SLC15A4: variants seen among roughly 807,000 people sequenced by gnomAD.
The protein encoded by SLC15A4 is solute carrier family 15 member 4.
Under a neutral mutation model 46.1 loss-of-function variants are expected in SLC15A4, and 26 were observed. The ratio of observed to expected loss-of-function variants is 0.56; its 90% CI spans 0.41 to 0.78. The LOEUF is 0.78. Ranked by LOEUF, SLC15A4 falls within the 30% of genes least tolerant of loss-of-function variation. The pLI is 0.00. For synonymous variants in SLC15A4, 370 were observed against 333.4 expected (o/e 1.11, Z -1.20); for missense variants, 751 against 755.7 (o/e 0.99, Z 0.07).
intron 7 of SLC15A4, among the ~76,000 whole-genome samples, chr12:128,796,570 C>A (rs1041241136): frequency 6.6e-6 from 1 of 151,864 alleles, no homozygotes; most frequent in African/African-American, 2.4e-5. Context: ...CTGCTAATAC[C>A]CTGAATTCTA....
intron 5 of SLC15A4, chr12:128,801,449 GATTT>G (rs1422011983): frequency 2.6e-5 from 4 of 155,416 alleles, no homozygotes; most frequent in East Asian, 1.9e-4. Flanking sequence ...GTGATCTACT[GATTT>G]ATTATTATAA....
In SLC15A4 at chr12:128,809,044, C is replaced by A. The variant is rs150107216; in HGVS notation, c.1090-88G>T. The A allele has an allele frequency of 1.0e-5, 13 of 1,265,448 alleles. No individual in the cohort carries two copies. The Admixed American group carries it at 2.6e-4, about 25-fold the overall frequency. 78.4% of individuals were successfully genotyped at this position (1,265,448 alleles called of 1,614,324 possible). A position where few individuals can be genotyped will look rare whatever the true frequency, so the allele number is the denominator to read the frequency against. On this transcript the variant is annotated intron_variant, in intron 4 of 7. Coordinates refer to ENST00000266771, the MANE Select transcript of SLC15A4 (RefSeq NM_145648.4). The stretch of plus-strand genomic sequence containing the variant: ...AACCAACGTCTCAATGGGAGAAATG[C>A]ACGTAAAGAACAGTTCCTCTCCACA...
chr12:128,812,412 C>T (rs750516413), intron 2 of SLC15A4, among the ~76,000 whole-genome samples: 22 of 152,092 alleles, frequency 1.4e-4, no homozygotes, highest in Admixed American at 4.6e-4. Context: ...CTCCGCCTCC[C>T]GGGTTCACGC....
chr12:128,819,371 C>G (rs1955804221), intron 1 of SLC15A4, among the ~76,000 whole-genome samples: 2 of 152,102 alleles, frequency 1.3e-5, no homozygotes, highest in African/African-American at 4.8e-5. Flanking sequence ...CCGCTGCACC[C>G]CAGCCTGGAC....
At chr12:128,819,356 T>C (rs1039241811) in intron 1 of SLC15A4, among the ~76,000 whole-genome samples, 20 of 152,060 alleles carry the variant, frequency 1.3e-4, no homozygotes, top group African/African-American at 2.9e-4. Flanking sequence ...TGAGCTGAGA[T>C]CATACCGCTG....
In SLC15A4 at chr12:128,808,827, C is replaced by T. The variant is rs143469790; in HGVS notation, c.1219G>A (p.Val407Met). The T allele has an allele frequency of 1.3e-5, 21 of 1,614,194 alleles. 1 individual carries two copies. Among genetic ancestry groups the T allele is most frequent in the South Asian group, 7.7e-5 (7 of 91,086 alleles). The change falls in exon 5 of 8, where the codon GTG becomes ATG. Residue 407 changes from valine (V) to methionine (M), a missense_variant. By Grantham distance (21) the Val-to-Met change is conservative. Transcript: ENST00000266771. Reference protein sequence around the residue: ...LLPSSLKRIAVGMFFVMCSAF... With the variant: ...LLPSSLKRIAMGMFFVMCSAF... ...GAGCACATGACAAAGAACATGCCCA[C>T]GGCGATCCTCTTCAGGGAGGATGGG...
At chr12:128,795,544 G>C (rs1955433411) in intron 7 of SLC15A4, among the ~76,000 whole-genome samples, 1 of 152,168 alleles carries the variant, frequency 6.6e-6, no homozygotes, top group African/African-American at 2.4e-5. Context: ...ATTTCAGAAA[G>C]GCACTCAAGA....
intron 1 of SLC15A4, among the ~76,000 whole-genome samples, chr12:128,816,750 T>C (rs540045284): frequency 6.6e-6 from 1 of 152,156 alleles, no homozygotes; most frequent in East Asian, 1.9e-4. Context: ...GAGGATCCCT[T>C]GAACTGGGGA....
intron 7 of SLC15A4, among the ~76,000 whole-genome samples, chr12:128,798,519 G>T (rs1451166370): frequency 1.3e-5 from 2 of 152,186 alleles, no homozygotes; most frequent in Admixed American, 1.3e-4. Context: ...TTCTCAAGGG[G>T]ATTTGTAACC....
At chr12:128,820,397 A>C (rs1955816604) in intron 1 of SLC15A4, among the ~76,000 whole-genome samples, 1 of 152,250 alleles carries the variant, frequency 6.6e-6, no homozygotes, top group African/African-American at 2.4e-5. Context: ...ATTTCGTCAC[A>C]TATGTAAAGC....
At chr12:128,812,036 G>GC (rs1955664216) in intron 2 of SLC15A4, among the ~76,000 whole-genome samples, 1 of 152,182 alleles carries the variant, frequency 6.6e-6, no homozygotes, top group African/African-American at 2.4e-5. Flanking sequence ...TGTGAAGGCC[G>GC]CATGTAGGTG....
intron 7 of SLC15A4, among the ~76,000 whole-genome samples, chr12:128,798,742 C>T (rs563316295): frequency 4.8e-4 from 73 of 152,280 alleles, no homozygotes; most frequent in Middle Eastern, 3.4e-3. Flanking sequence ...ATGCCACCTA[C>T]TGGTATTAAT....
rs189988141 is a variant in SLC15A4, at chr12:128,820,043, C to T, written c.546+3355G>A. On this transcript the variant is annotated intron_variant, in intron 1 of 7. Coordinates refer to ENST00000266771, the MANE Select transcript of SLC15A4 (RefSeq NM_145648.4). ...CTGTGGCGAGGCTTAAATAAGATCACGTGGGAAAGGCACAAGTAAGAGGCA... is the reference window on the plus strand; with the variant it reads ...CTGTGGCGAGGCTTAAATAAGATCATGTGGGAAAGGCACAAGTAAGAGGCA... Among the ~76,000 whole-genome samples, 9 of 152,298 alleles carry T rather than the reference C, an allele frequency of 5.9e-5. No homozygotes were observed. In the South Asian group the frequency reaches 1.2e-3, roughly 21 times the overall value.
rs2135713940 is a variant in SLC15A4 at position 128,809,501 on chromosome 12, T to C, written c.1012-28A>G. On this transcript the variant is annotated intron_variant, in intron 3 of 7. Coordinates refer to ENST00000266771, the MANE Select transcript of SLC15A4 (RefSeq NM_145648.4). ...AGGTATAAAAAACAGTATCATTATATGTGGACCAACTGTGCTCTCAAACAC... is the reference window on the plus strand; with the variant it reads ...AGGTATAAAAAACAGTATCATTATACGTGGACCAACTGTGCTCTCAAACAC... The C allele has an allele frequency of 4.1e-6, 6 of 1,473,664 alleles. No homozygotes were observed. The East Asian group carries it at 6.8e-5, about 17-fold the overall frequency. 91.3% of individuals were successfully genotyped at this position (1,473,664 alleles called of 1,614,324 possible).
At position 128,793,936 on chromosome 12, in the gene SLC15A4, A is replaced by G. The variant is rs1224474025; in HGVS notation, c.*260T>C. On this transcript the variant is annotated 3_prime_UTR_variant, in exon 8 of 8. Transcript: ENST00000266771. ...AAAAGGGAACCCAGCTAGAGGATTC[A>G]CAGAGACCTTGAATGACAAGCGACA... 3.0e-6 allele frequency: 1 copy of G among 336,202 alleles called. No individual in the cohort carries two copies. The highest frequency in any genetic ancestry group is 4.7e-5 in the Admixed American group (1 of 21,340). 20.8% of individuals were successfully genotyped at this position (336,202 alleles called of 1,614,324 possible).
Position 128,808,948 on chromosome 12 carries a change from T to A in SLC15A4, c.1098A>T (p.Ala366=). ...CAGCATCAAACATGGTCAGCCAGGCTGCAGGGAGCTGGGGTGAAACACAGG... is the reference window on the plus strand; with the variant it reads ...CAGCATCAAACATGGTCAGCCAGGCAGCAGGGAGCTGGGGTGAAACACAGG... ...NITTTPHTLP[A]AWLTMFDAVL... Residue 366 remains alanine (A), a synonymous_variant, in exon 5 of 8, where the codon GCA becomes GCT. Coordinates refer to ENST00000266771, the MANE Select transcript of SLC15A4 (RefSeq NM_145648.4). 6.2e-7 allele frequency: 1 copy of A among 1,613,424 alleles called. No homozygotes were observed. The highest frequency in any genetic ancestry group is 8.5e-7 in the Non-Finnish European group (1 of 1,179,560).
chr12:128,795,388 C>T (rs563616861), intron 7 of SLC15A4, among the ~76,000 whole-genome samples: 2 of 152,312 alleles, frequency 1.3e-5, no homozygotes, highest in Admixed American at 1.3e-4. Context: ...ACTTTACACG[C>T]AACGTCTGCA....
rs898492398 is a variant in SLC15A4, at chr12:128,799,118, G to C, written c.1573+141C>G. 5 of 842,764 alleles carry C rather than the reference G, an allele frequency of 5.9e-6. No individual in the cohort carries two copies. The Admixed American group carries it at 1.1e-4, about 18-fold the overall frequency. The allele number at this position is 842,764 out of a possible 1,614,324, so 52.2% of individuals were successfully genotyped here. ...ACAGTGATGCAAGCAGCACAGAGCAGTGCTGTGGAAGGAGCGGTGGACAGG... is the reference window on the plus strand; with the variant it reads ...ACAGTGATGCAAGCAGCACAGAGCACTGCTGTGGAAGGAGCGGTGGACAGG... On this transcript the variant is annotated intron_variant, in intron 7 of 7. Coordinates refer to ENST00000266771, the MANE Select transcript of SLC15A4 (RefSeq NM_145648.4).
At chr12:128,797,393 A>AG (rs11461172) in intron 7 of SLC15A4, among the ~76,000 whole-genome samples, 81,248 of 151,914 alleles carry the variant, frequency 0.53, 22,422 homozygotes, top group Non-Finnish European at 0.62. Context: ...TTACCTTCTG[A>AG]GGGGGGCAGT....
Sources: gnomAD v4.1 joint callset for allele counts (sites outside exome capture counted in the v4.1 genomes callset) on GRCh38, gnomAD v4.1.1 for gene constraint, MANE v1.5 for transcripts, NCBI Gene and HGNC (gene_info 2026-07-23, HGNC 2026-07-21) for gene names.